Variants in ARMH3 observed in about 807,000 individuals in gnomAD.
The protein encoded by ARMH3 is armadillo like helical domain containing 3, also known as armadillo-like helical domain-containing protein 3.
Under a neutral mutation model 99.1 loss-of-function variants are expected in ARMH3, and 60 were observed. The ratio of observed to expected loss-of-function variants is 0.61; its 90% CI spans 0.49 to 0.75. ARMH3 has a LOEUF of 0.75. ARMH3 is among the 30% of genes least tolerant of loss of function. ARMH3 has a pLI of 0.00. For synonymous variants in ARMH3, 285 were observed against 292.8 expected, an observed-to-expected ratio of 0.97 and a Z score of 0.27; for missense variants, 679 against 843.1, an observed-to-expected ratio of 0.81 and a Z score of 2.41.
chr10:102,008,488 C>A (rs903109888), intron 13 of ARMH3, among the ~76,000 whole-genome samples: 1 of 152,012 alleles, frequency 6.6e-6, no homozygotes, highest in Non-Finnish European at 1.5e-5. Flanking sequence ...TGTGACCCAT[C>A]GCTCAGTATT....
At chr10:101,992,129 C>T in intron 17 of ARMH3, 91 bp from the exon 18 acceptor site, 11 of 1,069,066 alleles carry the variant, frequency 1.0e-5, no homozygotes, top group South Asian at 3.8e-5. Flanking sequence ...CAAATAAAAT[C>T]ACTATTACAG....
At chr10:101,981,847 T>C (rs1325180528) in intron 19 of ARMH3, among the ~76,000 whole-genome samples, 3 of 150,658 alleles carry the variant, frequency 2.0e-5, no homozygotes, top group Non-Finnish European at 4.4e-5. Context: ...TGAAACCCCG[T>C]CTCTATCTAA....
intron 24 of ARMH3, among the ~76,000 whole-genome samples, chr10:101,860,276 G>C (rs2066836110): frequency 6.6e-6 from 1 of 152,092 alleles, no homozygotes; most frequent in African/African-American, 2.4e-5. Flanking sequence ...AGATATAGAT[G>C]AATAGTTAAT....
At chr10:101,985,971 T>A (rs944166855) in intron 19 of ARMH3, among the ~76,000 whole-genome samples, 2 of 151,706 alleles carry the variant, frequency 1.3e-5, no homozygotes, top group Non-Finnish European at 2.9e-5. Context: ...TGAGCCAAGA[T>A]CATGCCACTG....
At chr10:101,921,762 T>C (rs1843314819) in intron 23 of ARMH3, among the ~76,000 whole-genome samples, 1 of 152,292 alleles carries the variant, frequency 6.6e-6, no homozygotes. Flanking sequence ...TTCTCACTCA[T>C]AGGTAGTAGC....
intron 23 of ARMH3, 43 bp from the exon 24 acceptor site, chr10:101,889,533 G>C: frequency 1.3e-6 from 2 of 1,515,912 alleles, no homozygotes; most frequent in Non-Finnish European, 1.8e-6. Context: ...AGATAGAAGA[G>C]GTGGATACAT....
intron 24 of ARMH3, among the ~76,000 whole-genome samples, chr10:101,875,890 C>A (rs1194082291): frequency 6.6e-6 from 1 of 152,140 alleles, no homozygotes; most frequent in Non-Finnish European, 1.5e-5. Flanking sequence ...CCTTACCTTG[C>A]ACAAGCAAGG....
intron 19 of ARMH3, among the ~76,000 whole-genome samples, chr10:101,989,714 C>T (rs1030252603): frequency 2.0e-5 from 3 of 152,180 alleles, no homozygotes; most frequent in African/African-American, 7.2e-5. Context: ...GAGTGAGACT[C>T]CGTCTCAAAA....
At chr10:102,007,303 T>C (rs961493151) in intron 13 of ARMH3, among the ~76,000 whole-genome samples, 6 of 150,626 alleles carry the variant, frequency 4.0e-5, no homozygotes, top group Non-Finnish European at 7.4e-5. Context: ...TAGGTTCCCA[T>C]TACATAAGTT....
intron 24 of ARMH3, among the ~76,000 whole-genome samples, chr10:101,881,887 TC>T (rs2067428954): frequency 1.3e-5 from 2 of 152,312 alleles, no homozygotes; most frequent in Non-Finnish European, 2.9e-5. Context: ...TCCCTACCAC[TC>T]CTCTTTCAAG....
intron 13 of ARMH3, among the ~76,000 whole-genome samples, chr10:102,008,406 A>C (rs1294648985): frequency 6.6e-6 from 1 of 152,304 alleles, no homozygotes; most frequent in East Asian, 1.9e-4. Flanking sequence ...AATGGCTTTC[A>C]TGGACAGCTC....
At chr10:101,930,340 A>G (rs907874275) in intron 23 of ARMH3, among the ~76,000 whole-genome samples, 3 of 152,154 alleles carry the variant, frequency 2.0e-5, no homozygotes, top group African/African-American at 7.2e-5. Flanking sequence ...TATCTACAAA[A>G]AAAGTTCACA....
chr10:101,980,966 AC>A (rs1409812988), intron 19 of ARMH3, among the ~76,000 whole-genome samples: 3 of 151,632 alleles, frequency 2.0e-5, no homozygotes, highest in Non-Finnish European at 2.9e-5. Context: ...AGAACAGACA[AC>A]CAAACACTGC....
chr10:101,848,751 C>T (rs957168075), intron 25 of ARMH3, among the ~76,000 whole-genome samples: 6 of 152,092 alleles, frequency 3.9e-5, no homozygotes, highest in Non-Finnish European at 8.8e-5. Context: ...ACACCGCTCC[C>T]GTAACCCTCT....
chr10:101,957,803 C>A, intron 20 of ARMH3, 71 bp from the exon 21 acceptor site: 1 of 1,482,488 alleles, frequency 6.7e-7, no homozygotes, highest in Non-Finnish European at 8.9e-7. Context: ...TAAAAACAGA[C>A]TAGCTCTAAA....
chr10:101,948,275 C>T (rs1194776553), intron 22 of ARMH3, among the ~76,000 whole-genome samples: 1 of 151,552 alleles, frequency 6.6e-6, no homozygotes, highest in Non-Finnish European at 1.5e-5. Flanking sequence ...CCTGTAGTCC[C>T]ACCTACTCAG....
intron 15 of ARMH3, among the ~76,000 whole-genome samples, chr10:101,999,391 C>T (rs1027094404): frequency 2.6e-5 from 4 of 151,972 alleles, no homozygotes; most frequent in African/African-American, 9.7e-5. Context: ...AGGGTTTCAC[C>T]ATGTTGGCCA....
At chr10:102,015,224 A>G (rs1590186128) in intron 8 of ARMH3, among the ~76,000 whole-genome samples, 1 of 152,264 alleles carries the variant, frequency 6.6e-6, no homozygotes, top group East Asian at 1.9e-4. Flanking sequence ...ACAGACCTCA[A>G]GGAAGCTCCC....
chr10:102,045,683 AAT>A (rs2067532301), intron 1 of ARMH3, among the ~76,000 whole-genome samples: 1 of 152,220 alleles, frequency 6.6e-6, no homozygotes, highest in Non-Finnish European at 1.5e-5. Context: ...GAAGAATCCA[AAT>A]ATCCATCAGC....
Sources: allele counts gnomAD v4.1 joint callset (sites outside exome capture counted in the v4.1 genomes callset), GRCh38; gene constraint gnomAD v4.1.1; transcripts MANE v1.5; gene names NCBI Gene and HGNC (gene_info 2026-07-23, HGNC 2026-07-21).